The following QKI variants were observed in gnomAD, a reference collection of about 807,000 sequenced individuals.
QKI encodes KH domain-containing RNA-binding protein QKI.
QKI carries 10 observed loss-of-function variants against 39.0 expected under a neutral mutation model. The ratio of observed to expected loss-of-function variants is 0.26; its 90% CI spans 0.16 to 0.43. The LOEUF (loss-of-function observed/expected upper bound fraction) is 0.43. QKI is among the 20% of genes least tolerant of loss of function. QKI has a pLI of 1.00. For missense variants in QKI, 218 were observed against 428.0 expected (o/e 0.51, Z 4.33); for synonymous variants, 204 against 155.4 (o/e 1.31, Z -2.33).
chr6:163,483,607 A>G (rs532145285), intron 3 of QKI, among the ~76,000 whole-genome samples: 5 of 152,222 alleles, frequency 3.3e-5, no homozygotes, highest in Non-Finnish European at 7.3e-5. Flanking sequence ...AAGTTTGATC[A>G]TGCAGTTGCA....
At chr6:163,515,195 A>T (rs1779719166) in intron 3 of QKI, among the ~76,000 whole-genome samples, 1 of 152,170 alleles carries the variant, frequency 6.6e-6, no homozygotes, top group African/African-American at 2.4e-5. Flanking sequence ...AGAATAATGT[A>T]CCATTTGATG....
At chr6:163,436,404 A>T (rs76131551) in intron 1 of QKI, among the ~76,000 whole-genome samples, 4,239 of 152,264 alleles carry the variant, frequency 0.028, 194 homozygotes, top group African/African-American at 0.096. Flanking sequence ...GGAGAAGTTT[A>T]AGTTTAAAGC....
chr6:163,510,086 C>T lies in QKI; in HGVS notation c.403-24896C>T, dbSNP rs191857588. Among the ~76,000 whole-genome samples, 69 of 151,958 alleles carry T rather than the reference C, an allele frequency of 4.5e-4. 2 individuals carry two copies. In the South Asian group the frequency reaches 0.011, roughly 25 times the overall value. ...AAAAAATTAGCTGGATGTGGTGATG[C>T]GCATTTGTAATGCCAGCTACTCAGG... On this transcript the variant is annotated intron_variant, in intron 3 of 7. Coordinates refer to ENST00000361752, the MANE Select transcript of QKI (RefSeq NM_006775.3).
intron 4 of QKI, among the ~76,000 whole-genome samples, chr6:163,555,007 C>G (rs908104146): frequency 6.6e-6 from 1 of 152,140 alleles, no homozygotes; most frequent in Non-Finnish European, 1.5e-5. Context: ...CCAAAGCTGT[C>G]GGAGCAGATC....
At chr6:163,563,839 C>A in intron 6 of QKI, 120 bp downstream of exon 6, 1 of 1,475,052 alleles carries the variant, frequency 6.8e-7, no homozygotes, top group Non-Finnish European at 9.0e-7. Flanking sequence ...TAGGGAAGAC[C>A]GAAAACTAAA....
At chr6:163,505,379 G>C (rs1432393840) in intron 3 of QKI, among the ~76,000 whole-genome samples, 1 of 152,194 alleles carries the variant, frequency 6.6e-6, no homozygotes, top group Non-Finnish European at 1.5e-5. Flanking sequence ...TCCACTGACA[G>C]CTTGCACTAT....
At chr6:163,430,665 G>A (rs1318198229) in intron 1 of QKI, among the ~76,000 whole-genome samples, 2 of 152,138 alleles carry the variant, frequency 1.3e-5, no homozygotes, top group Non-Finnish European at 2.9e-5. Context: ...AGATAGTATG[G>A]CATAGTTTTT....
chr6:163,439,423 A>T (rs189201248), intron 1 of QKI, among the ~76,000 whole-genome samples: 1 of 145,974 alleles, frequency 6.9e-6, no homozygotes, highest in Non-Finnish European at 1.5e-5. Flanking sequence ...TCTCGGCTCA[A>T]TGCACCCTCC....
intron 3 of QKI, among the ~76,000 whole-genome samples, chr6:163,501,623 A>AT (rs1201770043): frequency 6.6e-6 from 1 of 152,212 alleles, no homozygotes; most frequent in Non-Finnish European, 1.5e-5. Flanking sequence ...TGCTTGTGTA[A>AT]TAAAGAAATG....
chr6:163,458,810 A>G (rs1791131253), intron 2 of QKI, among the ~76,000 whole-genome samples: 1 of 152,212 alleles, frequency 6.6e-6, no homozygotes, highest in African/African-American at 2.4e-5. Context: ...TTAATAAAGC[A>G]GACTTCTATT....
chr6:163,420,586 A>G (rs958972571), intron 1 of QKI, among the ~76,000 whole-genome samples: 1 of 151,968 alleles, frequency 6.6e-6, no homozygotes, highest in African/African-American at 2.4e-5. Flanking sequence ...GATCAACGGG[A>G]CTTCATTTTT....
At chr6:163,459,446 C>T (rs1462537655) in intron 2 of QKI, among the ~76,000 whole-genome samples, 1 of 152,108 alleles carries the variant, frequency 6.6e-6, no homozygotes, top group Non-Finnish European at 1.5e-5. Context: ...CCGTGCACCT[C>T]CAGCCCCCCA....
At chr6:163,429,794 CATTCT>C (rs1440261530) in intron 1 of QKI, among the ~76,000 whole-genome samples, 1 of 152,120 alleles carries the variant, frequency 6.6e-6, no homozygotes. Flanking sequence ...TGAAACTTTT[CATTCT>C]ATTCTAGGCT....
intron 1 of QKI, among the ~76,000 whole-genome samples, chr6:163,440,496 C>G (rs1047364326): frequency 6.6e-6 from 1 of 152,216 alleles, no homozygotes; most frequent in Non-Finnish European, 1.5e-5. Flanking sequence ...GACTTCATTA[C>G]TCTGAATTCT....
chr6:163,481,719 A>G (rs1260361887), intron 3 of QKI, among the ~76,000 whole-genome samples: 10 of 152,180 alleles, frequency 6.6e-5, no homozygotes, highest in Non-Finnish European at 1.5e-4. Flanking sequence ...GCTCAACAGC[A>G]TTGATTTAGT....
intron 1 of QKI, among the ~76,000 whole-genome samples, chr6:163,424,303 G>A (rs1788237840): frequency 6.6e-6 from 1 of 152,178 alleles, no homozygotes; most frequent in Admixed American, 6.5e-5. Context: ...ATTATCATGA[G>A]AGTATTCAAG....
At chr6:163,475,488 A>G (rs564399686) in intron 2 of QKI, among the ~76,000 whole-genome samples, 14 of 152,298 alleles carry the variant, frequency 9.2e-5, no homozygotes, top group Admixed American at 5.9e-4. Flanking sequence ...ACCGTTTTAT[A>G]TAAGGGACTT....
At chr6:163,566,649 A>G in intron 6 of QKI, 72 bp from the exon 7 acceptor site, 1 of 1,578,258 alleles carries the variant, frequency 6.3e-7, no homozygotes, top group Non-Finnish European at 8.6e-7. Flanking sequence ...ATTTTGATAA[A>G]CCTGCTGTTA....
At chr6:163,531,629 G>A (rs1780856928) in intron 3 of QKI, among the ~76,000 whole-genome samples, 1 of 152,044 alleles carries the variant, frequency 6.6e-6, no homozygotes, top group Non-Finnish European at 1.5e-5. Context: ...TTTTTAAATG[G>A]TTTCCTTTCC....
Sources: allele counts gnomAD v4.1 joint callset (sites outside exome capture counted in the v4.1 genomes callset), GRCh38; gene constraint gnomAD v4.1.1; transcripts MANE v1.5; gene names NCBI Gene and HGNC (gene_info 2026-07-23, HGNC 2026-07-21).